AFG1L: variants seen among roughly 807,000 people sequenced by gnomAD.
The protein encoded by AFG1L is AFG1 like ATPase.
AFG1L carries 53 observed loss-of-function variants against 62.2 expected under a neutral mutation model. The observed-to-expected ratio is 0.85, with a 90% confidence interval of 0.68 to 1.07. AFG1L has a LOEUF of 1.07. Among genes scored for constraint, AFG1L ranks in the 50% least tolerant of loss-of-function variants. The pLI is 0.00. For missense variants in AFG1L, 555 were observed against 590.5 expected (o/e 0.94, Z 0.62); for synonymous variants, 228 against 210.3 (o/e 1.08, Z -0.73).
In AFG1L at chr6:108,524,492, C is replaced by T. The variant is rs1225799268; in HGVS notation, c.*2067C>T. On this transcript the variant is annotated 3_prime_UTR_variant, in exon 13 of 13. Coordinates refer to ENST00000368977, the MANE Select transcript of AFG1L (RefSeq NM_145315.5). ...CAATCACGTAATGTTAGTTGGGGTG[C>T]TGGTCAAACGCATAGAAGCCTATGT... 6.6e-6 allele frequency: 1 copy of T among 152,202 alleles called. No homozygotes were observed. The highest frequency in any genetic ancestry group is 6.5e-5 in the Admixed American group (1 of 15,282). 9.4% of individuals were successfully genotyped at this position (152,202 alleles called of 1,614,324 possible). A position where few individuals can be genotyped will look rare whatever the true frequency, so the allele number is the denominator to read the frequency against.
At chr6:108,307,782 G>T (rs977425935) in intron 1 of AFG1L, among the ~76,000 whole-genome samples, 1 of 152,144 alleles carries the variant, frequency 6.6e-6, no homozygotes, top group Non-Finnish European at 1.5e-5. Flanking sequence ...TTATATCAGT[G>T]TATCTTTCCA....
chr6:108,498,595 C>A (rs943861749), intron 10 of AFG1L, among the ~76,000 whole-genome samples: 1 of 152,138 alleles, frequency 6.6e-6, no homozygotes, highest in African/African-American at 2.4e-5. Context: ...GATTTGGCAG[C>A]ATCGATATGT....
intron 7 of AFG1L, among the ~76,000 whole-genome samples, chr6:108,405,267 T>C (rs886407039): frequency 6.6e-6 from 1 of 152,212 alleles, no homozygotes; most frequent in African/African-American, 2.4e-5. Flanking sequence ...GCTGGCATTT[T>C]CATAATTTGT....
intron 8 of AFG1L, among the ~76,000 whole-genome samples, chr6:108,468,487 GTC>G (rs1772757668): frequency 6.6e-6 from 1 of 152,048 alleles, no homozygotes; most frequent in African/African-American, 2.4e-5. Flanking sequence ...TTTTAGAGTA[GTC>G]TCTTTGTTCC....
rs565300938 is a variant in AFG1L at position 108,433,210 on chromosome 6, T to C, written c.808-14004T>C. On this transcript the variant is annotated intron_variant, in intron 7 of 12. Coordinates refer to ENST00000368977, the MANE Select transcript of AFG1L (RefSeq NM_145315.5). ...TATGTGAACAAATAAATCTGCTTTATTATTTAATTGGTCTTCTGATACATG... is the reference window on the plus strand; with the variant it reads ...TATGTGAACAAATAAATCTGCTTTACTATTTAATTGGTCTTCTGATACATG... Among the ~76,000 whole-genome samples, 64 of 152,302 alleles carry C rather than the reference T, an allele frequency of 4.2e-4. No individual in the cohort carries two copies. In the South Asian group the frequency reaches 8.1e-3, roughly 19 times the overall value.
At chr6:108,379,110 G>A (rs1780383689) in intron 6 of AFG1L, among the ~76,000 whole-genome samples, 1 of 148,814 alleles carries the variant, frequency 6.7e-6, no homozygotes, top group African/African-American at 2.5e-5. Flanking sequence ...TCCCAGGTCT[G>A]AGCAATTCTC....
chr6:108,480,453 GA>G (rs56987107), intron 10 of AFG1L, among the ~76,000 whole-genome samples: 13,913 of 152,228 alleles, frequency 0.091, 735 homozygotes, highest in South Asian at 0.25. Context: ...TTGGGAGTCA[GA>G]TTCTGTGCTT....
At chr6:108,414,181 A>G (rs1328635739) in intron 7 of AFG1L, among the ~76,000 whole-genome samples, 1 of 152,220 alleles carries the variant, frequency 6.6e-6, no homozygotes, top group Non-Finnish European at 1.5e-5. Context: ...GAAGAAATGG[A>G]TAAATTCCTG....
At chr6:108,381,586 A>T (rs1296015) in intron 6 of AFG1L, among the ~76,000 whole-genome samples, 3,339 of 152,286 alleles carry the variant, frequency 0.022, 111 homozygotes, top group African/African-American at 0.073. Context: ...CTGGAAAAAA[A>T]AAAATTATAG....
At chr6:108,447,164 T>A (rs1239355916) in intron 7 of AFG1L, 50 bp from the exon 8 acceptor site, 1 of 944,166 alleles carries the variant, frequency 1.1e-6, no homozygotes, top group Non-Finnish European at 1.7e-6. Flanking sequence ...AGGATTGTAA[T>A]TCTGAGCCAC....
intron 6 of AFG1L, among the ~76,000 whole-genome samples, chr6:108,386,792 G>A (rs995388452): frequency 1.3e-5 from 2 of 152,174 alleles, no homozygotes; most frequent in African/African-American, 4.8e-5. Flanking sequence ...GGTTCTATAC[G>A]AATGCAGTGT....
At chr6:108,392,724 G>T (rs965168983) in intron 6 of AFG1L, among the ~76,000 whole-genome samples, 7 of 152,018 alleles carry the variant, frequency 4.6e-5, no homozygotes, top group African/African-American at 1.7e-4. Context: ...CTTTTAGTCT[G>T]TAATACAATA....
intron 7 of AFG1L, among the ~76,000 whole-genome samples, chr6:108,417,286 AC>A (rs377426836): frequency 0.44 from 52,795 of 119,946 alleles, 10,388 homozygotes; most frequent in African/African-American, 0.49. Context: ...ACACACACAC[AC>A]AAAAAAAAAA....
At chr6:108,443,488 A>T (rs972640750) in intron 7 of AFG1L, among the ~76,000 whole-genome samples, 2 of 152,222 alleles carry the variant, frequency 1.3e-5, no homozygotes, top group African/African-American at 4.8e-5. Context: ...TCAACATCAC[A>T]TTGTAAGAAG....
chr6:108,366,397 A>C, intron 6 of AFG1L, 65 bp downstream of exon 6: 1 of 982,432 alleles, frequency 1.0e-6, no homozygotes, highest in South Asian at 1.6e-5. Context: ...TTAAAAATCC[A>C]TAATTTTGAA....
chr6:108,301,403 C>T (rs1776994666), intron 1 of AFG1L, among the ~76,000 whole-genome samples: 1 of 152,134 alleles, frequency 6.6e-6, no homozygotes, highest in African/African-American at 2.4e-5. Flanking sequence ...ACAAGGGAAC[C>T]CTTAATAAGT....
At chr6:108,301,745 G>A (rs1777009900) in intron 1 of AFG1L, among the ~76,000 whole-genome samples, 1 of 152,120 alleles carries the variant, frequency 6.6e-6, no homozygotes, top group Non-Finnish European at 1.5e-5. Flanking sequence ...CATGAACGGG[G>A]CAACTGTTGG....
Position 108,495,886 on chromosome 6 carries a change from C to A in AFG1L, c.1063-14326C>A, listed in dbSNP as rs80270746. ...AAATTATTCAGATAACCAGCCACAT[C>A]AAAGACTATTAAACTTTTTAATTGC... On this transcript the variant is annotated intron_variant, in intron 10 of 12. Transcript: ENST00000368977. 1.6e-4 allele frequency among the ~76,000 whole-genome samples: 24 copies of A among 152,240 alleles called. No homozygotes were observed. In the East Asian group the frequency reaches 4.0e-3, roughly 26 times the overall value.
chr6:108,346,661 C>T (rs986409381), intron 2 of AFG1L, among the ~76,000 whole-genome samples: 8 of 152,186 alleles, frequency 5.3e-5, no homozygotes, highest in Admixed American at 1.3e-4. Flanking sequence ...AGCCACAGCA[C>T]CTGACTTCTA....
Sources: gnomAD v4.1 joint callset for allele counts (sites outside exome capture counted in the v4.1 genomes callset) on GRCh38, gnomAD v4.1.1 for gene constraint, MANE v1.5 for transcripts, NCBI Gene and HGNC (gene_info 2026-07-23, HGNC 2026-07-21) for gene names.